The following P2RY8 variants were observed in gnomAD, a reference collection of about 807,000 sequenced individuals.
P2RY8 encodes S-geranylgeranyl-glutathione receptor P2RY8.
Under a neutral mutation model 10.0 loss-of-function variants are expected in P2RY8, and 6 were observed. The observed-to-expected ratio is 0.60, with a 90% CI of 0.33 to 1.19. The LOEUF is 1.19. Among genes scored for constraint, P2RY8 ranks in the 50% most tolerant of loss-of-function variants. The pLI is 0.04. For missense variants in P2RY8, 456 were observed against 542.0 expected (o/e 0.84, Z 1.58); for synonymous variants, 276 against 252.5 (o/e 1.09, Z -0.88).
At chrX:1,531,033 CTA>C (rs1178433140) in intron 1 of P2RY8, among the ~76,000 whole-genome samples, 4 of 150,436 alleles carry the variant, frequency 2.7e-5, no homozygotes, top group African/African-American at 7.4e-5. Context: ...TTCTATGTAT[CTA>C]TTTATCGATT....
intron 1 of P2RY8, among the ~76,000 whole-genome samples, chrX:1,482,258 G>A (rs1458208089): frequency 6.7e-6 from 1 of 149,484 alleles, no homozygotes; most frequent in Non-Finnish European, 1.5e-5. Context: ...CACTGTACGT[G>A]GAATTAAGCT....
intron 1 of P2RY8, among the ~76,000 whole-genome samples, chrX:1,526,667 A>G (rs1279537548): frequency 6.9e-6 from 1 of 145,658 alleles, no homozygotes; most frequent in Non-Finnish European, 1.5e-5. Flanking sequence ...TTATCCATCC[A>G]CTTATTCAGC....
chrX:1,480,242 C>A (rs187852167), intron 1 of P2RY8, among the ~76,000 whole-genome samples: 2 of 152,214 alleles, frequency 1.3e-5, no homozygotes, highest in East Asian at 3.9e-4. Flanking sequence ...TGAGAGGTTT[C>A]AACTCATATT....
chrX:1,521,748 G>A (rs2092393101), intron 1 of P2RY8, among the ~76,000 whole-genome samples: 1 of 150,592 alleles, frequency 6.6e-6, no homozygotes, highest in Non-Finnish European at 1.5e-5. Flanking sequence ...CCTCAGCTGG[G>A]TATTTGGTGG....
chrX:1,515,240 T>A (rs1242447605), intron 1 of P2RY8, among the ~76,000 whole-genome samples: 7 of 151,180 alleles, frequency 4.6e-5, no homozygotes, highest in Non-Finnish European at 1.0e-4. Flanking sequence ...ATTATTATTA[T>A]TTTTTAAAGA....
chrX:1,534,497 C>T (rs1245016853), intron 1 of P2RY8, among the ~76,000 whole-genome samples: 1 of 151,916 alleles, frequency 6.6e-6, no homozygotes, highest in Admixed American at 6.6e-5. Flanking sequence ...TCCCAGGGGC[C>T]GTGCAGAATC....
In P2RY8 at chrX:1,466,192, G is replaced by A; in HGVS notation, c.367C>T (p.Leu123=). 1.9e-6 allele frequency: 3 copies of A among 1,612,912 alleles called. No homozygotes were observed. The South Asian group carries it at 3.3e-5, about 18-fold the overall frequency. ...TMTCISVERF[L]GVLYPLSSKR... The stretch of plus-strand genomic sequence containing the variant: ...GAGCTGAGCGGGTACAGGACCCCCA[G>A]GAAGCGCTCCACGCTGATACAGGTC... Residue 123 remains leucine, a synonymous_variant, in exon 2 of 2, where the codon CTG becomes TTG. Coordinates refer to ENST00000381297, the MANE Select transcript of P2RY8 (RefSeq NM_178129.5).
intron 1 of P2RY8, among the ~76,000 whole-genome samples, chrX:1,493,401 GA>G (rs2092078436): frequency 4.6e-5 from 1 of 21,768 alleles, no homozygotes. Context: ...GGGAGGGAAG[GA>G]GGAAGGAGGA....
At chrX:1,481,995 C>G (rs2091940443) in intron 1 of P2RY8, among the ~76,000 whole-genome samples, 1 of 152,172 alleles carries the variant, frequency 6.6e-6, no homozygotes, top group African/African-American at 2.4e-5. Flanking sequence ...GCAGACGCCC[C>G]GTGGAGATTT....
At chrX:1,522,375 A>G (rs1229754747) in intron 1 of P2RY8, among the ~76,000 whole-genome samples, 3 of 152,132 alleles carry the variant, frequency 2.0e-5, no homozygotes, top group African/African-American at 7.2e-5. Flanking sequence ...ACCTCGATGT[A>G]GTTTCAGAAT....
intron 1 of P2RY8, among the ~76,000 whole-genome samples, chrX:1,483,774 A>G (rs754230705): frequency 1.2e-4 from 18 of 152,144 alleles, no homozygotes; most frequent in African/African-American, 4.3e-4. Context: ...CCCAAAACCC[A>G]AAGTTGGACT....
In P2RY8 at chrX:1,465,949, T is replaced by C. The variant is rs755663635; in HGVS notation, c.610A>G (p.Ile204Val). Residue 204 changes from isoleucine (I) to valine (V), a missense_variant, in exon 2 of 2, where the codon ATC becomes GTC. Transcript: ENST00000381297. ...LFTIFILLFL[I>V]PFVITVACYT... ...CAAGCCACGGTGATCACGAACGGGATGAGGAACAGCAGGATGAAGATGGTG... is the reference window on the plus strand; with the variant it reads ...CAAGCCACGGTGATCACGAACGGGACGAGGAACAGCAGGATGAAGATGGTG... The C allele has an allele frequency of 3.1e-6, 5 of 1,612,330 alleles. No individual in the cohort carries two copies. Among genetic ancestry groups the C allele is most frequent in the Non-Finnish European group, 3.4e-6 (4 of 1,179,758 alleles).
Position 1,465,698 on chromosome X carries a change from A to G in P2RY8, c.861T>C (p.Cys287=). 6.2e-7 allele frequency: 1 copy of G among 1,613,742 alleles called. No individual in the cohort carries two copies. Among genetic ancestry groups the G allele is most frequent in the East Asian group, 2.2e-5 (1 of 44,876 alleles). ...LTLCLSCLNN[C]LDPFVYYFAS... ...CAAAGTAATAAACAAACGGGTCCAGACAGTTGTTGAGGCAGCTGAGACACA... is the reference window on the plus strand; with the variant it reads ...CAAAGTAATAAACAAACGGGTCCAGGCAGTTGTTGAGGCAGCTGAGACACA... Residue 287 remains cysteine (C), a synonymous_variant, in exon 2 of 2, where the codon TGT becomes TGC. Coordinates refer to ENST00000381297, the MANE Select transcript of P2RY8 (RefSeq NM_178129.5).
At chrX:1,484,698 A>G (rs1337137875) in intron 1 of P2RY8, among the ~76,000 whole-genome samples, 2 of 129,136 alleles carry the variant, frequency 1.5e-5, no homozygotes, top group Admixed American at 9.7e-5. Flanking sequence ...ACTGCACTCC[A>G]GCCTGCGTGA....
chrX:1,464,003 G>A lies in P2RY8; in HGVS notation c.*1476C>T, dbSNP rs1384398819. ...GATAATTCATTACTAAACCATCTCT[G>A]TTTTCCTGCCATAGTGATGACGGCA... On this transcript the variant is annotated 3_prime_UTR_variant, in exon 2 of 2. Coordinates refer to ENST00000381297, the MANE Select transcript of P2RY8 (RefSeq NM_178129.5). 1.7e-5 allele frequency: 4 copies of A among 233,164 alleles called. No individual in the cohort carries two copies. The highest frequency in any genetic ancestry group is 3.4e-5 in the Non-Finnish European group (4 of 118,058). The allele number at this position is 233,164 out of a possible 1,614,324, so 14.4% of individuals were successfully genotyped here. A position where few individuals can be genotyped will look rare whatever the true frequency, so the allele number is the denominator to read the frequency against.
At chrX:1,522,178 C>A (rs1433521597) in intron 1 of P2RY8, among the ~76,000 whole-genome samples, 1 of 151,564 alleles carries the variant, frequency 6.6e-6, no homozygotes, top group African/African-American at 2.4e-5. Flanking sequence ...TAGTCTCGAA[C>A]CCCTGACCTC....
At chrX:1,504,762 G>A (rs1193075431) in intron 1 of P2RY8, among the ~76,000 whole-genome samples, 20 of 152,234 alleles carry the variant, frequency 1.3e-4, no homozygotes, top group Admixed American at 1.2e-3. Context: ...TGATGCGGGC[G>A]GATCACCTGA....
At chrX:1,523,118 T>TAAATAAATAAAA (rs1444439947) in intron 1 of P2RY8, among the ~76,000 whole-genome samples, 1 of 149,948 alleles carries the variant, frequency 6.7e-6, no homozygotes, top group African/African-American at 2.5e-5. Flanking sequence ...AATAAATAAA[T>TAAATAAATAAAA]AAAACAAAAA....
At position 1,514,612 on chromosome X, in the gene P2RY8, CTCCCTTCCCTTCCTTT is replaced by C. The variant is rs1259233446; in HGVS notation, c.-25+22293_-25+22308del. Among the ~76,000 whole-genome samples the C allele has an allele frequency of 6.5e-4, 64 of 98,176 alleles. 12 individuals carry two copies. The highest frequency in any genetic ancestry group is 2.1e-3 in the African/African-American group (45 of 21,686). 64.4% of individuals were successfully genotyped at this position (98,176 alleles called of 152,430 possible). ...TTTCCCTTCCCTTCCCTTTCCTCCC[CTCCCTTCCCTTCCTTT>C]TCCTTTCCCTTCCCTTCCCTTTCCT... On this transcript the variant is annotated intron_variant, in intron 1 of 1. Transcript: ENST00000381297.
Sources: allele counts gnomAD v4.1 joint callset (sites outside exome capture counted in the v4.1 genomes callset), GRCh38; gene constraint gnomAD v4.1.1; transcripts MANE v1.5; gene names NCBI Gene and HGNC (gene_info 2026-07-23, HGNC 2026-07-21).